Variants in WWOX observed in about 807,000 individuals in gnomAD.
The protein encoded by WWOX is WW domain containing oxidoreductase.
Under a neutral mutation model 46.2 loss-of-function variants are expected in WWOX, and 69 were observed. The ratio of observed to expected loss-of-function variants is 1.49; its 90% CI spans 1.23 to 1.82. The LOEUF is 1.82. WWOX is among the 40% of genes most tolerant of loss of function. WWOX has a pLI of 0.00. For missense variants in WWOX, 919 were observed against 542.6 expected, an observed-to-expected ratio of 1.69 and a Z score of -6.89; for synonymous variants, 359 against 202.6, an observed-to-expected ratio of 1.77 and a Z score of -6.56.
chr16:78,871,574 T>C (rs151116436), intron 8 of WWOX, among the ~76,000 whole-genome samples: 109 of 152,262 alleles, frequency 7.2e-4, no homozygotes, highest in African/African-American at 2.6e-3. Context: ...ATCTAAATCC[T>C]AAATTGAGGC....
chr16:78,538,546 G>A (rs142969667), intron 8 of WWOX, among the ~76,000 whole-genome samples: 3 of 152,068 alleles, frequency 2.0e-5, no homozygotes, highest in African/African-American at 4.8e-5. Context: ...CCTTCCAGAC[G>A]AGCATGCTCT....
chr16:78,405,186 T>A (rs983608960), intron 6 of WWOX, among the ~76,000 whole-genome samples: 5 of 152,148 alleles, frequency 3.3e-5, no homozygotes, highest in African/African-American at 1.2e-4. Context: ...TGTACTGATG[T>A]TCTGGAATTC....
intron 7 of WWOX, among the ~76,000 whole-genome samples, chr16:78,425,818 T>TA (rs1287938074): frequency 6.6e-6 from 1 of 152,108 alleles, no homozygotes; most frequent in African/African-American, 2.4e-5. Context: ...GGGGGGAACT[T>TA]ACACTCTTAG....
chr16:79,119,883 A>G (rs1381610057), intron 8 of WWOX, among the ~76,000 whole-genome samples: 3 of 152,200 alleles, frequency 2.0e-5, no homozygotes, highest in Non-Finnish European at 4.4e-5. Context: ...TTTACCTACA[A>G]AGGAGAGAGT....
chr16:79,019,270 G>A (rs1204468759), intron 8 of WWOX, among the ~76,000 whole-genome samples: 1 of 150,438 alleles, frequency 6.6e-6, no homozygotes, highest in Non-Finnish European at 1.5e-5. Context: ...ATGGTTAGGT[G>A]GTTTCATCAT....
chr16:78,879,832 A>T (rs956272933), intron 8 of WWOX, among the ~76,000 whole-genome samples: 1 of 151,592 alleles, frequency 6.6e-6, no homozygotes, highest in Non-Finnish European at 1.5e-5. Flanking sequence ...AGCTGAGATC[A>T]TGTCATTGTA....
intron 7 of WWOX, among the ~76,000 whole-genome samples, chr16:78,430,596 T>C (rs1237959525): frequency 6.6e-6 from 1 of 152,074 alleles, no homozygotes; most frequent in Non-Finnish European, 1.5e-5. Context: ...AAGAAGGCCG[T>C]CATATATTTT....
chr16:78,562,061 T>C (rs2044452942), intron 8 of WWOX, among the ~76,000 whole-genome samples: 1 of 152,186 alleles, frequency 6.6e-6, no homozygotes, highest in Non-Finnish European at 1.5e-5. Context: ...TGGAGGCATA[T>C]GCTGGGCACT....
intron 8 of WWOX, chr16:78,535,734 C>G (rs529672632): frequency 5.3e-5 from 8 of 152,268 alleles, no homozygotes; most frequent in African/African-American, 1.9e-4. Context: ...AATGTATGTT[C>G]ACGAATTCCT....
intron 8 of WWOX, among the ~76,000 whole-genome samples, chr16:79,026,281 T>A (rs937208476): frequency 1.3e-5 from 2 of 151,668 alleles, no homozygotes; most frequent in African/African-American, 4.9e-5. Flanking sequence ...AACTCCTAAC[T>A]CCTGCCTGCC....
In WWOX at chr16:79,050,832, G is replaced by A. The variant is rs1597325776; in HGVS notation, c.1057-160776G>A. On this transcript the variant is annotated intron_variant, in intron 8 of 8. Transcript: ENST00000566780. Reference sequence around the variant, plus strand: ...TTCTGCCGCCTTTAGGAAACGAGATGAATTGTTAAACTTCTTGCACTGAGC... The same window carrying A: ...TTCTGCCGCCTTTAGGAAACGAGATAAATTGTTAAACTTCTTGCACTGAGC... 2.0e-5 allele frequency among the ~76,000 whole-genome samples: 3 copies of A among 152,312 alleles called. No individual in the cohort carries two copies. In the South Asian group the frequency reaches 6.2e-4, roughly 32 times the overall value.
chr16:78,762,659 C>G (rs931881404), intron 8 of WWOX, among the ~76,000 whole-genome samples: 2 of 152,126 alleles, frequency 1.3e-5, no homozygotes, highest in South Asian at 4.1e-4. Flanking sequence ...GGAGCTTACT[C>G]CTAAGCTAAT....
intron 8 of WWOX, among the ~76,000 whole-genome samples, chr16:78,570,046 A>T (rs901913838): frequency 1.3e-5 from 2 of 152,224 alleles, no homozygotes; most frequent in Non-Finnish European, 2.9e-5. Flanking sequence ...GTGGATATAA[A>T]TATAAAGAAA....
intron 1 of WWOX, among the ~76,000 whole-genome samples, chr16:78,103,053 C>T (rs1014187497): frequency 6.6e-6 from 1 of 152,136 alleles, no homozygotes; most frequent in African/African-American, 2.4e-5. Flanking sequence ...GGCGCTAGGG[C>T]CCTGGGGCTC....
intron 8 of WWOX, among the ~76,000 whole-genome samples, chr16:79,044,431 G>C (rs554740772): frequency 5.9e-5 from 9 of 152,238 alleles, no homozygotes; most frequent in African/African-American, 1.7e-4. Context: ...CTGTCCTCAC[G>C]ATAGTGAGTG....
At chr16:78,612,404 C>T (rs548114052) in intron 8 of WWOX, among the ~76,000 whole-genome samples, 1 of 152,330 alleles carries the variant, frequency 6.6e-6, no homozygotes, top group South Asian at 2.1e-4. Context: ...TGGCGTAGGC[C>T]TCAGAGTCAG....
chr16:78,914,115 A>T (rs1037868964), intron 8 of WWOX, among the ~76,000 whole-genome samples: 1 of 152,108 alleles, frequency 6.6e-6, no homozygotes, highest in Admixed American at 6.6e-5. Flanking sequence ...ATCACCTCAC[A>T]GGAGTCTTTC....
intron 5 of WWOX, among the ~76,000 whole-genome samples, chr16:78,235,492 A>G (rs1036379938): frequency 6.6e-6 from 1 of 152,148 alleles, no homozygotes; most frequent in Non-Finnish European, 1.5e-5. Flanking sequence ...AAGCATGGAA[A>G]AGCCTCCGGA....
intron 8 of WWOX, among the ~76,000 whole-genome samples, chr16:78,964,619 C>T (rs942179313): frequency 6.6e-6 from 1 of 152,192 alleles, no homozygotes; most frequent in Non-Finnish European, 1.5e-5. Flanking sequence ...AAGAAAAACC[C>T]ATTTTCTGGG....
Sources: gnomAD v4.1 joint callset for allele counts (sites outside exome capture counted in the v4.1 genomes callset) on GRCh38, gnomAD v4.1.1 for gene constraint, MANE v1.5 for transcripts, NCBI Gene and HGNC (gene_info 2026-07-23, HGNC 2026-07-21) for gene names.